Variants in IL1RAPL1 observed in about 807,000 individuals in gnomAD.
IL1RAPL1 encodes the protein interleukin 1 receptor accessory protein like 1.
A neutral mutation model predicts 48.4 loss-of-function variants in IL1RAPL1; 3 were observed. That is an observed-to-expected ratio of 0.06 (90% CI 0.03 to 0.16). The LOEUF (loss-of-function observed/expected upper bound fraction) is 0.16, where lower values mean the gene tolerates loss of function less well. IL1RAPL1 is among the 10% of genes least tolerant of loss of function. The pLI is 1.00. For synonymous variants in IL1RAPL1, 185 were observed against 187.7 expected (o/e 0.99, Z 0.12); for missense variants, 349 against 530.6 (o/e 0.66, Z 3.36).
chrX:28,837,899 CA>C (rs1921266929), intron 2 of IL1RAPL1, among the ~76,000 whole-genome samples: 3 of 108,585 alleles, frequency 2.8e-5, no homozygotes, highest in East Asian at 5.8e-4. Flanking sequence ...CCATTGTTTT[CA>C]TCCCAGTTCA....
intron 5 of IL1RAPL1, among the ~76,000 whole-genome samples, chrX:29,535,975 G>T (rs1186610972): frequency 1.8e-5 from 2 of 111,958 alleles, no homozygotes; most frequent in Middle Eastern, 4.2e-3. Context: ...TGGCTTCCCA[G>T]AGCCTCTACA....
rs149810021 is a variant in IL1RAPL1, at chrX:29,858,589, G to C, written c.779-58875G>C. 2.7e-3 allele frequency among the ~76,000 whole-genome samples: 297 copies of C among 110,477 alleles called. 2 individuals carry two copies. Among genetic ancestry groups the C allele is most frequent in the African/African-American group, 9.4e-3 (285 of 30,355 alleles). ...CCTCAATCTTGGACTTTTTGTATTA[G>C]AGCAACAGCCACCTCCTACCCGCAC... On this transcript the variant is annotated intron_variant, in intron 6 of 10. Transcript: ENST00000378993.
At chrX:28,882,775 T>C (rs1483505292) in intron 2 of IL1RAPL1, among the ~76,000 whole-genome samples, 1 of 112,337 alleles carries the variant, frequency 8.9e-6, no homozygotes, top group African/African-American at 3.2e-5. Flanking sequence ...AATGAAAGGA[T>C]GCTAGACAAC....
chrX:29,500,710 T>C (rs2147759609), intron 5 of IL1RAPL1, among the ~76,000 whole-genome samples: 1 of 112,505 alleles, frequency 8.9e-6, no homozygotes, highest in South Asian at 3.6e-4. Context: ...ATTTATCCAT[T>C]CATCTATTGA....
At chrX:28,839,991 A>G (rs937935212) in intron 2 of IL1RAPL1, among the ~76,000 whole-genome samples, 1 of 110,808 alleles carries the variant, frequency 9.0e-6, no homozygotes, top group African/African-American at 3.3e-5. Context: ...GAGAGAGAAG[A>G]AAAAAATACT....
intron 2 of IL1RAPL1, among the ~76,000 whole-genome samples, chrX:28,984,231 A>G (rs1283615625): frequency 9.0e-6 from 1 of 111,721 alleles, no homozygotes; most frequent in Non-Finnish European, 1.9e-5. Flanking sequence ...TATAAATTTT[A>G]TTTTAATTAA....
chrX:28,598,001 A>G (rs1933975965), intron 1 of IL1RAPL1, among the ~76,000 whole-genome samples: 1 of 111,627 alleles, frequency 9.0e-6, no homozygotes, highest in Non-Finnish European at 1.9e-5. Flanking sequence ...AAGTGACTCT[A>G]AAGTGACAAT....
intron 1 of IL1RAPL1, among the ~76,000 whole-genome samples, chrX:28,690,001 C>T (rs1420454625): frequency 2.7e-5 from 3 of 111,997 alleles, no homozygotes; most frequent in Non-Finnish European, 3.8e-5. Flanking sequence ...CTTTCCCTTC[C>T]CTTTTCAACC....
intron 1 of IL1RAPL1, among the ~76,000 whole-genome samples, chrX:28,630,198 C>A (rs1159578825): frequency 9.0e-6 from 1 of 110,702 alleles, no homozygotes; most frequent in African/African-American, 3.3e-5. Context: ...TTGTTTGTTT[C>A]ATTTGTCCTC....
At chrX:28,719,627 A>G (rs1159171430) in intron 1 of IL1RAPL1, among the ~76,000 whole-genome samples, 2 of 111,217 alleles carry the variant, frequency 1.8e-5, no homozygotes, top group Non-Finnish European at 3.8e-5. Context: ...CAGCCCATTT[A>G]TACTGTTCAT....
chrX:29,803,021 A>ATATG (rs1930039598), intron 6 of IL1RAPL1, among the ~76,000 whole-genome samples: 1 of 55,670 alleles, frequency 1.8e-5, no homozygotes, highest in African/African-American at 7.5e-5. Flanking sequence ...ATATGTGTAC[A>ATATG]TATACATGTA....
rs185986995 is a variant in IL1RAPL1, at chrX:28,889,168, C to T, written c.82+99743C>T. Among the ~76,000 whole-genome samples the T allele has an allele frequency of 4.0e-3, 441 of 111,438 alleles. 4 individuals are homozygous for T. The highest frequency in any genetic ancestry group is 0.014 in the African/African-American group (421 of 30,787). On this transcript the variant is annotated intron_variant, in intron 2 of 10. Transcript: ENST00000378993. ...ATACTATTTTAAGATATTATTAATA[C>T]TCCACTACTAAGAATATAATATTAG...
intron 5 of IL1RAPL1, among the ~76,000 whole-genome samples, chrX:29,467,565 G>T (rs1233770651): frequency 7.1e-5 from 8 of 112,362 alleles, no homozygotes; most frequent in Non-Finnish European, 1.3e-4. Context: ...GTGCCTTTGG[G>T]CACCGGCAGG....
chrX:28,805,983 A>G (rs1936726633), intron 2 of IL1RAPL1, among the ~76,000 whole-genome samples: 1 of 109,289 alleles, frequency 9.2e-6, no homozygotes, highest in Admixed American at 9.9e-5. Context: ...TCATCACAGC[A>G]CTCTCTATTT....
intron 3 of IL1RAPL1, among the ~76,000 whole-genome samples, chrX:29,371,447 A>T (rs1349349419): frequency 9.0e-6 from 1 of 111,455 alleles, no homozygotes; most frequent in African/African-American, 3.3e-5. Flanking sequence ...TGTACTTTTT[A>T]AAAAACTAAA....
chrX:29,830,815 G>A, intron 6 of IL1RAPL1, among the ~76,000 whole-genome samples: 1 of 111,215 alleles, frequency 9.0e-6, no homozygotes. Flanking sequence ...ATCCCCAAGG[G>A]CAAAATTTGG....
chrX:29,639,336 C>T (rs1277805529), intron 5 of IL1RAPL1, among the ~76,000 whole-genome samples: 1 of 110,873 alleles, frequency 9.0e-6, no homozygotes, highest in African/African-American at 3.3e-5. Flanking sequence ...TCCTTTGAGA[C>T]AATATTTTGC....
chrX:29,136,089 A>G (rs755249366), intron 2 of IL1RAPL1, among the ~76,000 whole-genome samples: 30 of 108,804 alleles, frequency 2.8e-4, no homozygotes, highest in African/African-American at 9.7e-4. Context: ...ATGTCACTGC[A>G]TAGTCATATA....
At chrX:29,150,514 G>A (rs1329433326) in intron 2 of IL1RAPL1, among the ~76,000 whole-genome samples, 3 of 111,523 alleles carry the variant, frequency 2.7e-5, no homozygotes, top group Non-Finnish European at 5.6e-5. Context: ...GACCCCAAAA[G>A]CAAATAAAGC....
Sources: gnomAD v4.1 joint callset for allele counts (sites outside exome capture counted in the v4.1 genomes callset) on GRCh38, gnomAD v4.1.1 for gene constraint, MANE v1.5 for transcripts, NCBI Gene and HGNC (gene_info 2026-07-23, HGNC 2026-07-21) for gene names.